The following ADK variants were observed in gnomAD, a reference collection of about 807,000 sequenced individuals.
ADK encodes adenosine kinase.
ADK carries 24 observed loss-of-function variants against 44.7 expected under a neutral mutation model. The ratio of observed to expected loss-of-function variants is 0.54; its 90% CI spans 0.39 to 0.76. ADK has a LOEUF of 0.76. Ranked by LOEUF, ADK falls within the 30% of genes least tolerant of loss-of-function variation. ADK has a pLI of 0.00. For missense variants in ADK, 321 were observed against 425.1 expected, an observed-to-expected ratio of 0.76 and a Z score of 2.15; for synonymous variants, 128 against 142.6, an observed-to-expected ratio of 0.90 and a Z score of 0.73.
intron 6 of ADK, among the ~76,000 whole-genome samples, chr10:74,444,210 G>A (rs10733904): frequency 0.61 from 92,114 of 151,958 alleles, 30,304 homozygotes; most frequent in Middle Eastern, 0.78. Flanking sequence ...TTAATATCCT[G>A]TGCAAATGCT....
chr10:74,488,975 T>C (rs1223361083), intron 6 of ADK, among the ~76,000 whole-genome samples: 1 of 151,916 alleles, frequency 6.6e-6, no homozygotes, highest in Non-Finnish European at 1.5e-5. Flanking sequence ...ACCAGTTTCT[T>C]AGGATTGTAG....
At chr10:74,580,940 CAAG>C (rs557240262) in intron 7 of ADK, among the ~76,000 whole-genome samples, 85 of 151,794 alleles carry the variant, frequency 5.6e-4, no homozygotes, top group Admixed American at 2.2e-3. Context: ...GAGGTGGAAA[CAAG>C]AAGATAGCTT....
intron 6 of ADK, among the ~76,000 whole-genome samples, chr10:74,440,645 A>T (rs1845371834): frequency 6.6e-6 from 1 of 152,282 alleles, no homozygotes; most frequent in African/African-American, 2.4e-5. Flanking sequence ...GATCATCTAA[A>T]CATGAAAAAT....
At chr10:74,589,206 T>C (rs1851632481) in intron 7 of ADK, 76 bp from the exon 8 acceptor site, 1 of 1,329,390 alleles carries the variant, frequency 7.5e-7, no homozygotes. Context: ...GAAGACTGAA[T>C]GAGTTTCAAA....
At chr10:74,192,716 G>A (rs1218422965) in intron 1 of ADK, among the ~76,000 whole-genome samples, 1 of 151,368 alleles carries the variant, frequency 6.6e-6, no homozygotes. Flanking sequence ...TTGTAGAGAT[G>A]AGGTCTTACT....
In ADK at chr10:74,238,984, C is replaced by T. The variant is rs142215851; in HGVS notation, c.194+14393C>T. ...CAAATGATACTTATGCCTCAGCCTC[C>T]TGAGTAGCTGGGATTACAGGGGCCA... On this transcript the variant is annotated intron_variant, in intron 3 of 10. Transcript: ENST00000539909. Among the ~76,000 whole-genome samples the T allele has an allele frequency of 8.6e-3, 1,296 of 151,354 alleles. 20 individuals carry two copies. The highest frequency in any genetic ancestry group is 0.03 in the African/African-American group (1,230 of 41,136).
At chr10:74,610,507 A>G (rs2133992280) in intron 9 of ADK, among the ~76,000 whole-genome samples, 1 of 152,322 alleles carries the variant, frequency 6.6e-6, no homozygotes, top group South Asian at 2.1e-4. Context: ...TTGCACAATA[A>G]TATGAATGTA....
chr10:74,572,952 C>A (rs369343193), intron 7 of ADK, among the ~76,000 whole-genome samples: 16 of 146,260 alleles, frequency 1.1e-4, no homozygotes, highest in Admixed American at 3.5e-4. Flanking sequence ...GTTTGAATTT[C>A]CTCCTGTAGC....
intron 3 of ADK, among the ~76,000 whole-genome samples, chr10:74,311,503 C>T (rs1840431323): frequency 6.6e-6 from 1 of 152,096 alleles, no homozygotes. Context: ...TATGCTAGAG[C>T]TTGTAGGCTC....
Position 74,264,746 on chromosome 10 carries a change from T to G in ADK, c.194+40155T>G, listed in dbSNP as rs150765661. Among the ~76,000 whole-genome samples the G allele has an allele frequency of 6.7e-3, 1,014 of 152,320 alleles. 7 individuals carry two copies. The highest frequency in any genetic ancestry group is 0.014 in the Admixed American group (208 of 15,300). ...ATATGTGCTTTGCAGAGGTAGATCT[T>G]TCATCTGGTAGTATGTAATTTTTGT... On this transcript the variant is annotated intron_variant, in intron 3 of 10. Coordinates refer to ENST00000539909, the MANE Select transcript of ADK (RefSeq NM_006721.4).
intron 6 of ADK, among the ~76,000 whole-genome samples, chr10:74,411,251 C>G (rs1386453794): frequency 6.6e-6 from 1 of 151,986 alleles, no homozygotes; most frequent in Non-Finnish European, 1.5e-5. Flanking sequence ...GTTGTTTGTT[C>G]TATTTGGAGC....
rs115519507 is a variant in ADK at position 74,543,774 on chromosome 10, A to G, written c.726+18348A>G. On this transcript the variant is annotated intron_variant, in intron 7 of 10. Coordinates refer to ENST00000539909, the MANE Select transcript of ADK (RefSeq NM_006721.4). ...TTCAAATACTTAGTTGAACCAGCCA[A>G]TTCATTTTAGCACAGTAAAAGTAAT... Among the ~76,000 whole-genome samples, 763 of 152,292 alleles carry G rather than the reference A, an allele frequency of 5.0e-3. 4 individuals carry two copies. Among genetic ancestry groups the G allele is most frequent in the African/African-American group, 0.016 (679 of 41,550 alleles).
intron 1 of ADK, among the ~76,000 whole-genome samples, chr10:74,180,425 G>A (rs868317971): frequency 2.1e-4 from 29 of 138,472 alleles, no homozygotes; most frequent in Admixed American, 1.1e-3. Flanking sequence ...TTTTGGTAGA[G>A]ACGGAGTTTC....
chr10:74,551,832 C>T (rs1850044187), intron 7 of ADK, among the ~76,000 whole-genome samples: 1 of 152,090 alleles, frequency 6.6e-6, no homozygotes, highest in Non-Finnish European at 1.5e-5. Flanking sequence ...GGATTGGTTT[C>T]AGGACCCCTC....
At chr10:74,221,362 A>C in intron 2 of ADK, among the ~76,000 whole-genome samples, 1 of 150,302 alleles carries the variant, frequency 6.7e-6, no homozygotes, top group Non-Finnish European at 1.5e-5. Flanking sequence ...TGCTCAATGA[A>C]ATAAAAGAGG....
chr10:74,465,940 AT>A (rs1424703681), intron 6 of ADK, among the ~76,000 whole-genome samples: 3 of 152,134 alleles, frequency 2.0e-5, no homozygotes, highest in South Asian at 2.1e-4. Context: ...TGATAGATGG[AT>A]TTTTAATTGA....
intron 4 of ADK, among the ~76,000 whole-genome samples, chr10:74,327,781 CTCTA>C (rs1160139808): frequency 1.1e-4 from 16 of 152,052 alleles, no homozygotes; most frequent in Non-Finnish European, 1.5e-5. Context: ...TTGTTTTGTA[CTCTA>C]TCTTTCCCTT....
intron 6 of ADK, among the ~76,000 whole-genome samples, chr10:74,504,349 A>C (rs4561146): frequency 0.73 from 110,190 of 151,688 alleles, 40,740 homozygotes; most frequent in Middle Eastern, 0.86. Flanking sequence ...ATACATATTC[A>C]TTTAGTAAAT....
At chr10:74,566,691 T>C (rs16931525) in intron 7 of ADK, among the ~76,000 whole-genome samples, 1,857 of 152,340 alleles carry the variant, frequency 0.012, 43 homozygotes, top group African/African-American at 0.042. Context: ...CTAGTGATGA[T>C]TCACATTTTC....
Sources: gnomAD v4.1 joint callset for allele counts (sites outside exome capture counted in the v4.1 genomes callset) on GRCh38, gnomAD v4.1.1 for gene constraint, MANE v1.5 for transcripts, NCBI Gene and HGNC (gene_info 2026-07-23, HGNC 2026-07-21) for gene names.